The following VPS41 variants were observed in gnomAD, a reference collection of about 807,000 sequenced individuals.
The protein encoded by VPS41 is vacuolar protein sorting-associated protein 41 homolog.
Under a neutral mutation model 130.9 loss-of-function variants are expected in VPS41, and 85 were observed. That is an observed-to-expected ratio of 0.65 (90% CI 0.55 to 0.78). The LOEUF is 0.78. VPS41 is among the 30% of genes least tolerant of loss of function. The pLI is 0.00. For missense variants in VPS41, 874 were observed against 1,018.7 expected (o/e 0.86, Z 1.93); for synonymous variants, 335 against 332.9 (o/e 1.01, Z -0.07).
intron 2 of VPS41, among the ~76,000 whole-genome samples, chr7:38,895,971 T>TGTCA (rs1786980533): frequency 6.6e-6 from 1 of 152,344 alleles, no homozygotes; most frequent in Admixed American, 6.5e-5. Context: ...TCCATCTGAC[T>TGTCA]GTCAGCTCCA....
At chr7:38,885,628 C>G (rs933348849) in intron 2 of VPS41, among the ~76,000 whole-genome samples, 7 of 152,136 alleles carry the variant, frequency 4.6e-5, no homozygotes, top group African/African-American at 1.7e-4. Context: ...ATGAGATAAT[C>G]CACATAAAGG....
At chr7:38,884,528 C>CT (rs1015425722) in intron 2 of VPS41, among the ~76,000 whole-genome samples, 1 of 151,796 alleles carries the variant, frequency 6.6e-6, no homozygotes, top group Non-Finnish European at 1.5e-5. Flanking sequence ...TTTTTATTTG[C>CT]TTTTTTTGTA....
chr7:38,889,760 G>A (rs1000178527), intron 2 of VPS41, among the ~76,000 whole-genome samples: 1 of 152,076 alleles, frequency 6.6e-6, no homozygotes, highest in Admixed American at 6.5e-5. Flanking sequence ...AAAAGGAGAA[G>A]AGAACACAGA....
intron 7 of VPS41, among the ~76,000 whole-genome samples, chr7:38,811,886 T>C (rs1324954736): frequency 1.3e-5 from 2 of 152,096 alleles, no homozygotes; most frequent in Admixed American, 6.5e-5. Context: ...ATACAATGAT[T>C]AAATTTTTCA....
chr7:38,859,181 C>G (rs1292453868), intron 4 of VPS41, among the ~76,000 whole-genome samples: 2 of 152,032 alleles, frequency 1.3e-5, no homozygotes, highest in Non-Finnish European at 1.5e-5. Flanking sequence ...TTTTGTACAT[C>G]TGTACAATGT....
At chr7:38,874,707 G>C (rs918616545) in intron 2 of VPS41, among the ~76,000 whole-genome samples, 1 of 152,070 alleles carries the variant, frequency 6.6e-6, no homozygotes, top group African/African-American at 2.4e-5. Flanking sequence ...CATGCAGTTT[G>C]AACTTCCACA....
At chr7:38,743,765 A>G (rs925909313) in intron 23 of VPS41, among the ~76,000 whole-genome samples, 1 of 152,122 alleles carries the variant, frequency 6.6e-6, no homozygotes. Flanking sequence ...GCCTCATATA[A>G]ATGACATCAT....
chr7:38,867,518 C>T (rs1166553147), intron 3 of VPS41, among the ~76,000 whole-genome samples: 2 of 150,906 alleles, frequency 1.3e-5, no homozygotes, highest in Non-Finnish European at 2.9e-5. Context: ...GCACTCCAGC[C>T]TGGGCAACAA....
chr7:38,748,978 C>T (rs1421783039), intron 22 of VPS41, among the ~76,000 whole-genome samples: 2 of 152,018 alleles, frequency 1.3e-5, no homozygotes, highest in Non-Finnish European at 2.9e-5. Context: ...TACATGAAGG[C>T]ACAACATACA....
At chr7:38,731,691 C>T (rs1337007005) in intron 25 of VPS41, among the ~76,000 whole-genome samples, 4 of 152,074 alleles carry the variant, frequency 2.6e-5, no homozygotes, top group Admixed American at 6.6e-5. Flanking sequence ...ACTCAGGTTT[C>T]GATGACCAGA....
At position 38,802,247 on chromosome 7, in the gene VPS41, C is replaced by T. The variant is rs551920019; in HGVS notation, c.451-5383G>A. On this transcript the variant is annotated intron_variant, in intron 7 of 28. Coordinates refer to ENST00000310301, the MANE Select transcript of VPS41 (RefSeq NM_014396.4). ...GTAATTTCTGAAATGTGTCTGCAGGCCTGCAGAAGGCTCTCTGGATTGCCA... is the reference window on the plus strand; with the variant it reads ...GTAATTTCTGAAATGTGTCTGCAGGTCTGCAGAAGGCTCTCTGGATTGCCA... Among the ~76,000 whole-genome samples the T allele has an allele frequency of 2.0e-5, 3 of 152,300 alleles. No homozygotes were observed. The East Asian group carries it at 5.8e-4, about 29-fold the overall frequency.
At chr7:38,819,496 T>C (rs71548637) in intron 6 of VPS41, among the ~76,000 whole-genome samples, 11 of 152,326 alleles carry the variant, frequency 7.2e-5, no homozygotes, top group African/African-American at 1.9e-4. Flanking sequence ...CTGCTGATTG[T>C]TTCTACTTCC....
chr7:38,774,169 C>A lies in VPS41; in HGVS notation c.958G>T (p.Asp320Tyr), dbSNP rs1784208624. 1 of 1,609,136 alleles carries A rather than the reference C, an allele frequency of 6.2e-7. No homozygotes were observed. The highest frequency in any genetic ancestry group is 8.5e-7 in the Non-Finnish European group (1 of 1,176,556). The change falls in exon 12 of 29, where the codon GAT becomes TAT. Residue 320 changes from aspartate to tyrosine, a missense_variant. Coordinates refer to ENST00000310301, the MANE Select transcript of VPS41 (RefSeq NM_014396.4). ...TGAAAGCCTCTGACTGTCAAAGCATCAGAAGAGATCTCTTCACAAGTCTCA... is the reference window on the plus strand; with the variant it reads ...TGAAAGCCTCTGACTGTCAAAGCATAAGAAGAGATCTCTTCACAAGTCTCA... ...LSETCEEISS[D>Y]ALTVRGFQEN... is the part of the protein sequence containing the mutation.
At chr7:38,879,874 C>CACTA (rs945450716) in intron 2 of VPS41, among the ~76,000 whole-genome samples, 1 of 136,498 alleles carries the variant, frequency 7.3e-6, no homozygotes, top group African/African-American at 2.8e-5. Flanking sequence ...TAATAAAGGT[C>CACTA]ACTAATGTCA....
chr7:38,868,536 G>A (rs1028073902), intron 3 of VPS41, among the ~76,000 whole-genome samples: 1 of 152,226 alleles, frequency 6.6e-6, no homozygotes, highest in East Asian at 1.9e-4. Context: ...GAAGCTCCCT[G>A]CCCCCCAATA....
chr7:38,737,611 C>T (rs1012966071), intron 25 of VPS41, among the ~76,000 whole-genome samples: 6 of 152,150 alleles, frequency 3.9e-5, no homozygotes, highest in Non-Finnish European at 8.8e-5. Flanking sequence ...ACTTTCTCAT[C>T]TGCAAAGCAG....
At chr7:38,788,385 G>C (rs2115936886) in intron 10 of VPS41, among the ~76,000 whole-genome samples, 1 of 152,266 alleles carries the variant, frequency 6.6e-6, no homozygotes, top group South Asian at 2.1e-4. Flanking sequence ...AGAATAAAAA[G>C]CAAACTACCT....
intron 12 of VPS41, among the ~76,000 whole-genome samples, chr7:38,773,479 T>C (rs1784194590): frequency 6.6e-6 from 1 of 152,158 alleles, no homozygotes; most frequent in African/African-American, 2.4e-5. Flanking sequence ...TCAACAAATG[T>C]CAATTGTGTT....
rs777451183 is a variant in VPS41, at chr7:38,897,984, G to A, written c.60+107C>T. On this transcript the variant is annotated intron_variant, in intron 2 of 28. Coordinates refer to ENST00000310301, the MANE Select transcript of VPS41 (RefSeq NM_014396.4). ...CCAAGGCTTAGTTACCTATCGCCCT[G>A]CTTTACACCCTCAGCCCCTGGGAAT... 15 of 1,029,724 alleles carry A rather than the reference G, an allele frequency of 1.5e-5. 1 individual carries two copies. The highest frequency in any genetic ancestry group is 5.4e-5 in the Admixed American group (3 of 55,480). The allele number at this position is 1,029,724 out of a possible 1,614,324, so 63.8% of individuals were successfully genotyped here.
Sources: gnomAD v4.1 joint callset for allele counts (sites outside exome capture counted in the v4.1 genomes callset) on GRCh38, gnomAD v4.1.1 for gene constraint, MANE v1.5 for transcripts, NCBI Gene and HGNC (gene_info 2026-07-23, HGNC 2026-07-21) for gene names.